HS6ST1: variants seen among roughly 807,000 people sequenced by gnomAD.
HS6ST1 encodes the protein heparan-sulfate 6-O-sulfotransferase 1.
HS6ST1 carries 3 observed loss-of-function variants against 25.2 expected under a neutral mutation model. The observed-to-expected ratio is 0.12, with a 90% CI of 0.05 to 0.31. The LOEUF is 0.31. Among genes scored for constraint, HS6ST1 ranks in the 10% least tolerant of loss-of-function variants. The pLI is 1.00. For synonymous variants in HS6ST1, 204 were observed against 275.1 expected, an observed-to-expected ratio of 0.74 and a Z score of 2.56; for missense variants, 310 against 609.6, an observed-to-expected ratio of 0.51 and a Z score of 5.18.
At chr2:128,311,180 C>G (rs1192011256) in intron 1 of HS6ST1, among the ~76,000 whole-genome samples, 1 of 152,190 alleles carries the variant, frequency 6.6e-6, no homozygotes, top group East Asian at 1.9e-4. Context: ...CCAAAACAGA[C>G]AGCAAATCTT....
At chr2:128,294,996 C>G (rs562030527) in intron 1 of HS6ST1, among the ~76,000 whole-genome samples, 1 of 152,298 alleles carries the variant, frequency 6.6e-6, no homozygotes, top group Non-Finnish European at 1.5e-5. Context: ...CCACCTCCCC[C>G]TCTTGGTTTT....
At chr2:128,302,753 T>G (rs1449984933) in intron 1 of HS6ST1, among the ~76,000 whole-genome samples, 1 of 152,160 alleles carries the variant, frequency 6.6e-6, no homozygotes. Context: ...GGTCTCCCAT[T>G]GTGGCTAGGT....
intron 1 of HS6ST1, among the ~76,000 whole-genome samples, chr2:128,282,194 A>G (rs1290033285): frequency 6.6e-6 from 1 of 152,358 alleles, no homozygotes; most frequent in East Asian, 1.9e-4. Context: ...GTTTCCTTAG[A>G]GCACAGTGCA....
chr2:128,284,106 G>A (rs543515649), intron 1 of HS6ST1, among the ~76,000 whole-genome samples: 2 of 151,632 alleles, frequency 1.3e-5, no homozygotes, highest in African/African-American at 4.9e-5. Context: ...CCCTCCTGCC[G>A]GCCCTGTTCC....
chr2:128,294,155 G>A (rs538962758), intron 1 of HS6ST1, among the ~76,000 whole-genome samples: 40 of 152,218 alleles, frequency 2.6e-4, no homozygotes, highest in Non-Finnish European at 5.0e-4. Context: ...CACAGCTTCT[G>A]AGCCTGGACT....
At chr2:128,288,799 AG>A (rs1693906130) in intron 1 of HS6ST1, among the ~76,000 whole-genome samples, 1 of 152,062 alleles carries the variant, frequency 6.6e-6, no homozygotes, top group Non-Finnish European at 1.5e-5. Flanking sequence ...CCAAAGCCAC[AG>A]GATCATCACC....
At chr2:128,308,354 A>G (rs1694241914) in intron 1 of HS6ST1, among the ~76,000 whole-genome samples, 1 of 152,172 alleles carries the variant, frequency 6.6e-6, no homozygotes, top group South Asian at 2.1e-4. Flanking sequence ...GGTGGGGTCT[A>G]GGGAAGGGAG....
At chr2:128,283,198 C>T (rs754174371) in intron 1 of HS6ST1, among the ~76,000 whole-genome samples, 8 of 152,188 alleles carry the variant, frequency 5.3e-5, no homozygotes, top group Non-Finnish European at 1.0e-4. Flanking sequence ...GGCAGTGTCC[C>T]CCGAGCCCAG....
intron 1 of HS6ST1, among the ~76,000 whole-genome samples, chr2:128,285,988 C>T (rs1366747544): frequency 6.6e-6 from 1 of 152,206 alleles, no homozygotes; most frequent in East Asian, 1.9e-4. Flanking sequence ...GCCAGCTGTC[C>T]TGTGTGGCCT....
intron 1 of HS6ST1, among the ~76,000 whole-genome samples, chr2:128,305,765 G>C (rs984850535): frequency 2.0e-5 from 3 of 152,142 alleles, no homozygotes; most frequent in African/African-American, 7.2e-5. Flanking sequence ...CCTGGTGACA[G>C]CTGCTTCCAG....
At chr2:128,283,555 G>A (rs1242502714) in intron 1 of HS6ST1, among the ~76,000 whole-genome samples, 2 of 152,234 alleles carry the variant, frequency 1.3e-5, no homozygotes, top group Non-Finnish European at 2.9e-5. Flanking sequence ...CTCAGGTGAG[G>A]TGGTGGCCTC....
Position 128,268,449 on chromosome 2 carries a change from T to C in HS6ST1, c.949A>G (p.Met317Val), listed in dbSNP as rs1421547982. The C allele has an allele frequency of 1.2e-5, 20 of 1,613,462 alleles. No individual in the cohort carries two copies. Among genetic ancestry groups the C allele is most frequent in the Admixed American group, 1.7e-5 (1 of 59,996 alleles). The stretch of plus-strand genomic sequence containing the variant: ...CCCGCCCGCGTGCTATTGTACTGCA[T>C]GAAGGGCCGGATGAACTTGAGGTTG... The part of the protein sequence containing the change: ...TFNLKFIRPF[M>V]QYNSTRAGGV... Residue 317 changes from methionine (M) to valine (V), a missense_variant, in exon 2 of 2, where the codon ATG becomes GTG. Physicochemically the swap from Met to Val is conservative, Grantham distance 21. This residue lies in a region of HS6ST1 where 140 missense variants were observed against 176.5 expected (regional missense o/e 0.79). Transcript: ENST00000259241.
At position 128,267,781 on chromosome 2, in the gene HS6ST1, T is replaced by C. The variant is rs1489533618; in HGVS notation, c.*381A>G. 1.2e-5 allele frequency: 4 copies of C among 332,398 alleles called. No homozygotes were observed. Among genetic ancestry groups the C allele is most frequent in the Middle Eastern group, 9.1e-4 (1 of 1,094 alleles). 20.6% of individuals were successfully genotyped at this position (332,398 alleles called of 1,614,324 possible). ...CTAAGAGCGAGTGCTGTGTGCATAGTTGGTGAGGGACACACTCCCGGCCTG... is the reference window on the plus strand; with the variant it reads ...CTAAGAGCGAGTGCTGTGTGCATAGCTGGTGAGGGACACACTCCCGGCCTG... On this transcript the variant is annotated 3_prime_UTR_variant, in exon 2 of 2. Coordinates refer to ENST00000259241, the MANE Select transcript of HS6ST1 (RefSeq NM_004807.3).
chr2:128,269,417 C>T (rs1023611417), intron 1 of HS6ST1, among the ~76,000 whole-genome samples: 8 of 152,176 alleles, frequency 5.3e-5, no homozygotes. Context: ...ACTCTACTTG[C>T]TGGGTTGTCC....
intron 1 of HS6ST1, among the ~76,000 whole-genome samples, chr2:128,315,007 A>G (rs1020971738): frequency 1.3e-5 from 2 of 152,122 alleles, no homozygotes; most frequent in African/African-American, 4.8e-5. Context: ...TGGGGTGCTG[A>G]GACATTCTAA....
chr2:128,266,224 C>G lies in HS6ST1; in HGVS notation c.*1938G>C, dbSNP rs1693510455. The G allele has an allele frequency of 6.6e-6, 1 of 152,236 alleles. No homozygotes were observed. The highest frequency in any genetic ancestry group is 1.5e-5 in the Non-Finnish European group (1 of 68,062). The allele number at this position is 152,236 out of a possible 1,614,324, so 9.4% of individuals were successfully genotyped here. Reference sequence around the variant, plus strand: ...GCCAAGGTGCCCCACGTGGCTTGTGCAAGACCTCACAATCCCCTGAACGTG... The same window carrying G: ...GCCAAGGTGCCCCACGTGGCTTGTGGAAGACCTCACAATCCCCTGAACGTG... On this transcript the variant is annotated 3_prime_UTR_variant, in exon 2 of 2. Coordinates refer to ENST00000259241, the MANE Select transcript of HS6ST1 (RefSeq NM_004807.3).
intron 1 of HS6ST1, among the ~76,000 whole-genome samples, chr2:128,286,111 T>TA (rs774180625): frequency 2.6e-5 from 4 of 152,202 alleles, no homozygotes; most frequent in Non-Finnish European, 5.9e-5. Flanking sequence ...TAGGGAGACT[T>TA]AGAGCCTACA....
intron 1 of HS6ST1, 73 bp downstream of exon 1, chr2:128,317,964 G>C (rs1694399146): frequency 7.2e-7 from 1 of 1,386,100 alleles, no homozygotes; most frequent in Non-Finnish European, 9.2e-7. Flanking sequence ...GGCCGACCCA[G>C]TACAGCACGG....
intron 1 of HS6ST1, among the ~76,000 whole-genome samples, chr2:128,271,823 C>T (rs2104911101): frequency 6.6e-6 from 1 of 152,340 alleles, no homozygotes; most frequent in African/African-American, 2.4e-5. Context: ...ACTCATTCCT[C>T]AGCCGCACAC....
Sources: allele counts gnomAD v4.1 joint callset (sites outside exome capture counted in the v4.1 genomes callset), GRCh38; gene constraint gnomAD v4.1.1; regional missense constraint gnomAD v4.1.1; transcripts MANE v1.5; gene names NCBI Gene and HGNC (gene_info 2026-07-23, HGNC 2026-07-21).